The following SLC6A12 variants were observed in gnomAD, a reference collection of about 807,000 sequenced individuals.
The protein encoded by SLC6A12 is sodium- and chloride-dependent betaine transporter.
In SLC6A12, 50 loss-of-function variants were observed where a neutral mutation model predicts 73.3. The ratio of observed to expected loss-of-function variants is 0.68; its 90% CI spans 0.54 to 0.86. SLC6A12 has a LOEUF of 0.86. Among genes scored for constraint, SLC6A12 ranks in the 40% least tolerant of loss-of-function variants. The pLI is 0.00. For synonymous variants in SLC6A12, 304 were observed against 309.2 expected (o/e 0.98, Z 0.18); for missense variants, 648 against 772.8 (o/e 0.84, Z 1.92).
chr12:197,006 C>G (rs1939900436), intron 10 of SLC6A12, 124 bp from the exon 11 acceptor site: 1 of 611,716 alleles, frequency 1.6e-6, no homozygotes, highest in Admixed American at 2.5e-5. Flanking sequence ...AAGGGTGATT[C>G]CATCCACTGT....
rs1334714349 is a variant in SLC6A12, at chr12:190,240, G to T, written c.*828C>A. 6.6e-6 allele frequency: 1 copy of T among 152,256 alleles called. No homozygotes were observed. The highest frequency in any genetic ancestry group is 1.5e-5 in the Non-Finnish European group (1 of 68,058). 9.4% of individuals were successfully genotyped at this position (152,256 alleles called of 1,614,324 possible). On this transcript the variant is annotated 3_prime_UTR_variant, in exon 16 of 16. Coordinates refer to ENST00000684302, the MANE Select transcript of SLC6A12 (RefSeq NM_001122848.3). Reference sequence around the variant, plus strand: ...GTCCCTTTGTCTCTTTGGTCTCCAGGTTCCTCATCCATGAAGTCAGGGGTT... The same window carrying T: ...GTCCCTTTGTCTCTTTGGTCTCCAGTTTCCTCATCCATGAAGTCAGGGGTT...
chr12:210,638 G>A (rs1311391707), intron 2 of SLC6A12: 3 of 153,032 alleles, frequency 2.0e-5, no homozygotes, highest in African/African-American at 7.2e-5. Context: ...TGGCACCAGG[G>A]GCAAGTGTGA....
At chr12:208,411 G>A (rs1445255984) in intron 3 of SLC6A12, among the ~76,000 whole-genome samples, 4 of 152,168 alleles carry the variant, frequency 2.6e-5, no homozygotes, top group Admixed American at 2.0e-4. Flanking sequence ...TAGACCCTCC[G>A]TAAATATTGG....
downstream of SLC6A12, among the ~76,000 whole-genome samples, chr12:186,174 C>T (rs1279409663): frequency 6.6e-6 from 1 of 152,088 alleles, no homozygotes; most frequent in Non-Finnish European, 1.5e-5. Context: ...AGAGGGGCCA[C>T]GCCTGACTCT....
chr12:186,901 A>AC (rs1939441227), downstream of SLC6A12, among the ~76,000 whole-genome samples: 1 of 151,946 alleles, frequency 6.6e-6, no homozygotes, highest in African/African-American at 2.4e-5. Context: ...TGCTACCACC[A>AC]CCCCTTCTGA....
At position 198,735 on chromosome 12, in the gene SLC6A12, A is replaced by G; in HGVS notation, c.846+62T>C. 1 of 1,532,962 alleles carries G rather than the reference A, an allele frequency of 6.5e-7. No homozygotes were observed. The highest frequency in any genetic ancestry group is 8.9e-7 in the Non-Finnish European group (1 of 1,118,386). The allele number at this position is 1,532,962 out of a possible 1,614,324, so 95.0% of individuals were successfully genotyped here. A position where few individuals can be genotyped will look rare whatever the true frequency, so the allele number is the denominator to read the frequency against. On this transcript the variant is annotated intron_variant, in intron 8 of 15. Coordinates refer to ENST00000684302, the MANE Select transcript of SLC6A12 (RefSeq NM_001122848.3). The surrounding 1 kb of genome is among the most constrained non-coding windows in gnomAD (Gnocchi z 4.0). ...AGGAAAAAGCTATACAAGACTTTCA[A>G]AACTACAGACCTGGCTGGGTGGGGA...
At chr12:196,395 G>A in intron 11 of SLC6A12, 134 bp from the exon 12 acceptor site, 1 of 1,079,942 alleles carries the variant, frequency 9.3e-7, no homozygotes, top group Non-Finnish European at 1.3e-6. Context: ...GAAGAAATGG[G>A]GGTGCCCTGG....
At chr12:210,459 G>T in intron 2 of SLC6A12, 3 of 989,498 alleles carry the variant, frequency 3.0e-6, no homozygotes, top group Non-Finnish European at 3.7e-6. Flanking sequence ...GGTAGCAAGG[G>T]TCAACGGGCA....
chr12:197,870 T>C lies in SLC6A12; in HGVS notation c.950+30A>G, dbSNP rs748770915. The C allele has an allele frequency of 5.0e-6, 7 of 1,414,082 alleles. No homozygotes were observed. The South Asian group carries it at 8.2e-5, about 16-fold the overall frequency. The allele number at this position is 1,414,082 out of a possible 1,614,324, so 87.6% of individuals were successfully genotyped here. ...CCCATCCCCAGGCCCCAACCCTCCT[T>C]CACCCCACCCCGGCCCACGCTGTTC... On this transcript the variant is annotated intron_variant, in intron 9 of 15. Transcript: ENST00000684302.
At chr12:204,773 C>A in intron 3 of SLC6A12, 75 bp from the exon 4 acceptor site, 2 of 1,516,704 alleles carry the variant, frequency 1.3e-6, no homozygotes, top group East Asian at 2.4e-5. Flanking sequence ...GACCCTCCTC[C>A]CCCAACAAAC....
At chr12:209,422 G>C (rs777700384) in intron 3 of SLC6A12, among the ~76,000 whole-genome samples, 1 of 152,102 alleles carries the variant, frequency 6.6e-6, no homozygotes, top group Non-Finnish European at 1.5e-5. Context: ...TGCACCTAGC[G>C]CCGGGTCTGG....
chr12:204,292 A>G, intron 4 of SLC6A12: 2 of 431,970 alleles, frequency 4.6e-6, no homozygotes, highest in Non-Finnish European at 8.5e-6. Flanking sequence ...CTGCCCCTGC[A>G]GGGGTCCCAT....
rs965886774 is a variant in SLC6A12 at position 190,816 on chromosome 12, G to A, written c.*252C>T. The A allele has an allele frequency of 8.9e-6, 3 of 335,288 alleles. No individual in the cohort carries two copies. Among genetic ancestry groups the A allele is most frequent in the African/African-American group, 4.2e-5 (2 of 47,168 alleles). 20.8% of individuals were successfully genotyped at this position (335,288 alleles called of 1,614,324 possible). A position where few individuals can be genotyped will look rare whatever the true frequency, so the allele number is the denominator to read the frequency against. On this transcript the variant is annotated 3_prime_UTR_variant, in exon 16 of 16. Transcript: ENST00000684302. The stretch of plus-strand genomic sequence containing the variant: ...CAAAAAGACCCCCCTTTATAAAAAC[G>A]ATGGTGCCTTCCCACAGGGAGTGGC...
chr12:205,574 G>C (rs139283723), intron 3 of SLC6A12, among the ~76,000 whole-genome samples: 1 of 152,192 alleles, frequency 6.6e-6, no homozygotes, highest in Non-Finnish European at 1.5e-5. Flanking sequence ...TGAGGCACAA[G>C]CCCAGGCAGT....
chr12:199,127 T>A, intron 7 of SLC6A12, 196 bp from the exon 8 acceptor site: 1 of 314,896 alleles, frequency 3.2e-6, no homozygotes, highest in Non-Finnish European at 6.3e-6. Flanking sequence ...GGGTGTGAGA[T>A]ACACATCAGC....
intron 10 of SLC6A12, 39 bp from the exon 11 acceptor site, chr12:196,921 G>C: frequency 2.8e-6 from 4 of 1,452,774 alleles, no homozygotes; most frequent in Non-Finnish European, 3.9e-6. Context: ...GCTCCAGGGC[G>C]TGTGCTGCCC....
chr12:196,370 G>A, intron 11 of SLC6A12, 109 bp from the exon 12 acceptor site: 2 of 1,358,690 alleles, frequency 1.5e-6, no homozygotes, highest in East Asian at 2.4e-5. Flanking sequence ...AGGGGTGCAG[G>A]GAGCAGCACA....
chr12:198,818 C>G lies in SLC6A12; in HGVS notation c.825G>C (p.Leu275Phe), dbSNP rs776011952. ...QGIIYYLKPD[L>F]FRLKDPQVWM... ...ATACCTGAGGGTCCTTGAGGCGGAA[C>G]AAATCTGGCTTCAAGTAGTAGATGA... Residue 275 changes from leucine to phenylalanine, a missense_variant, in exon 8 of 16, where the codon TTG becomes TTC. Leu to Phe is a conservative substitution (Grantham distance 22, BLOSUM62 0). Coordinates refer to ENST00000684302, the MANE Select transcript of SLC6A12 (RefSeq NM_001122848.3). The surrounding 1 kb of genome is among the most constrained non-coding windows in gnomAD (Gnocchi z 4.0). The G allele has an allele frequency of 1.2e-6, 2 of 1,614,152 alleles. No homozygotes were observed. Among genetic ancestry groups the G allele is most frequent in the South Asian group, 1.1e-5 (1 of 91,078 alleles).
intron 4 of SLC6A12, chr12:204,175 CAG>C (rs546138186): frequency 1.1e-4 from 25 of 231,724 alleles, no homozygotes; most frequent in Non-Finnish European, 1.7e-4. Flanking sequence ...GAGGGCAGAA[CAG>C]GGGGAAACTG....
Sources: gnomAD v4.1 joint callset for allele counts (sites outside exome capture counted in the v4.1 genomes callset) on GRCh38, gnomAD v4.1.1 for gene constraint, Gnocchi (gnomAD v3.1) non-coding constraint, MANE v1.5 for transcripts, NCBI Gene and HGNC (gene_info 2026-07-23, HGNC 2026-07-21) for gene names.